Variants in BCR observed in about 807,000 individuals in gnomAD.
BCR encodes the protein breakpoint cluster region protein.
A neutral mutation model predicts 138.6 loss-of-function variants in BCR; 58 were observed. The observed-to-expected ratio is 0.42, with a 90% CI of 0.34 to 0.52. The LOEUF (loss-of-function observed/expected upper bound fraction) is 0.52. BCR is among the 20% of genes least tolerant of loss of function. The pLI is 0.06. For missense variants in BCR, 1,599 were observed against 1,727.2 expected, an observed-to-expected ratio of 0.93 and a Z score of 1.32; for synonymous variants, 786 against 730.1, an observed-to-expected ratio of 1.08 and a Z score of -1.23.
chr22:23,181,126 A>G lies in BCR; in HGVS notation c.166A>G (p.Met56Val), dbSNP rs780306034. Residue 56 changes from methionine (M) to valine (V), a missense_variant, in exon 1 of 23, where the codon ATG becomes GTG. Physicochemically the swap from Met to Val is conservative, Grantham distance 21. Around this residue, in one of 4 missense-constraint regions of BCR, gnomAD observed 806 missense variants for 635.0 expected, o/e 1.27. Transcript: ENST00000305877. ...EQEVNQERFR[M>V]IYLQTLLAKE... Reference sequence around the variant, plus strand: ...GGAGGTGAACCAGGAGCGCTTCCGCATGATCTACCTGCAGACGTTGCTGGC... The same window carrying G: ...GGAGGTGAACCAGGAGCGCTTCCGCGTGATCTACCTGCAGACGTTGCTGGC... 3 of 1,497,314 alleles carry G rather than the reference A, an allele frequency of 2.0e-6. No individual in the cohort carries two copies. Among genetic ancestry groups the G allele is most frequent in the South Asian group, 1.3e-5 (1 of 79,576 alleles). The allele number at this position is 1,497,314 out of a possible 1,614,324, so 92.8% of individuals were successfully genotyped here.
At chr22:23,297,233 TTTTTC>T (rs1568979606) in intron 16 of BCR, among the ~76,000 whole-genome samples, 15 of 139,650 alleles carry the variant, frequency 1.1e-4, no homozygotes, top group South Asian at 4.5e-4. Flanking sequence ...TTTTTTTTTT[TTTTTC>T]GAGACAGAGT....
chr22:23,202,555 A>C (rs1048422903), intron 1 of BCR, among the ~76,000 whole-genome samples: 1 of 152,010 alleles, frequency 6.6e-6, no homozygotes, highest in Non-Finnish European at 1.5e-5. Context: ...CCACCATTCT[A>C]CTTTCTATCT....
rs536640237 is a variant in BCR, at chr22:23,313,111, C to T, written c.3457+90C>T. ...GCTGTGAAAAGTGAGGTGTGGGAAC[C>T]CAAGCTGTGCCCCCTCTGCCATGGT... is the stretch of plus-strand genomic sequence containing the variant. On this transcript the variant is annotated intron_variant, in intron 20 of 22. Transcript: ENST00000305877. The T allele has an allele frequency of 9.6e-6, 14 of 1,452,124 alleles. No individual in the cohort carries two copies. In the African/African-American group the frequency reaches 1.1e-4, roughly 12 times the overall value. The allele number at this position is 1,452,124 out of a possible 1,614,324, so 90.0% of individuals were successfully genotyped here. A position where few individuals can be genotyped will look rare whatever the true frequency, so the allele number is the denominator to read the frequency against.
rs1398683804 is a variant in BCR, at chr22:23,181,089, G to A, written c.129G>A (p.Arg43=). ...TGGAGCGCTGCAAGGCCTCCATTCG[G>A]CGCCTGGAGCAGGAGGTGAACCAGG... The part of the protein sequence containing the change: ...QELERCKASI[R]RLEQEVNQER... Residue 43 remains arginine, a synonymous_variant, in exon 1 of 23, where the codon CGG becomes CGA. Transcript: ENST00000305877. 6.6e-7 allele frequency: 1 copy of A among 1,515,022 alleles called. No individual in the cohort carries two copies. Among genetic ancestry groups the A allele is most frequent in the Non-Finnish European group, 8.9e-7 (1 of 1,125,406 alleles). 93.8% of individuals were successfully genotyped at this position (1,515,022 alleles called of 1,614,324 possible). A position where few individuals can be genotyped will look rare whatever the true frequency, so the allele number is the denominator to read the frequency against.
At position 23,244,067 on chromosome 22, in the gene BCR, C is replaced by CT. The variant is rs1274228823; in HGVS notation, c.1280-9730dup. 2.6e-5 allele frequency among the ~76,000 whole-genome samples: 4 copies of CT among 152,304 alleles called. No individual in the cohort carries two copies. In the East Asian group the frequency reaches 7.7e-4, roughly 29 times the overall value. ...CCCCAGTGCCTTAAGTGGGAACAGT[C>CT]TTGTGGTACTGAGCCCTTAACCTGT... On this transcript the variant is annotated intron_variant, in intron 1 of 22. Coordinates refer to ENST00000305877, the MANE Select transcript of BCR (RefSeq NM_004327.4).
intron 1 of BCR, among the ~76,000 whole-genome samples, chr22:23,224,880 C>G (rs2072870243): frequency 6.6e-6 from 1 of 152,114 alleles, no homozygotes; most frequent in African/African-American, 2.4e-5. Context: ...AGACTCCATC[C>G]CCCCCAAAAA....
At chr22:23,213,086 G>A (rs141271508) in intron 1 of BCR, among the ~76,000 whole-genome samples, 26 of 152,326 alleles carry the variant, frequency 1.7e-4, no homozygotes, top group Admixed American at 5.2e-4. Context: ...AACCTCCCTT[G>A]TCTAGTTTTG....
At chr22:23,249,335 G>A (rs1014572078) in intron 1 of BCR, among the ~76,000 whole-genome samples, 2 of 151,976 alleles carry the variant, frequency 1.3e-5, no homozygotes, top group African/African-American at 4.8e-5. Context: ...CGGAGGCTGA[G>A]GCAGGAGAAT....
intron 8 of BCR, among the ~76,000 whole-genome samples, chr22:23,274,369 C>A (rs2073547353): frequency 6.6e-6 from 1 of 152,246 alleles, no homozygotes; most frequent in Non-Finnish European, 1.5e-5. Context: ...GCCTGTGCCG[C>A]TCTGAGCCTT....
intron 16 of BCR, among the ~76,000 whole-genome samples, chr22:23,301,850 C>T (rs1051898986): frequency 9.8e-5 from 15 of 152,308 alleles, no homozygotes; most frequent in Admixed American, 8.5e-4. Context: ...AGGATGGCCT[C>T]GCTCACTCAA....
At chr22:23,284,220 G>C in intron 9 of BCR, 122 bp downstream of exon 9, 1 of 1,399,476 alleles carries the variant, frequency 7.1e-7, no homozygotes, top group Non-Finnish European at 9.6e-7. Context: ...TTCTACTTGG[G>C]CACAATGCCA....
At chr22:23,206,304 G>T (rs779077878) in intron 1 of BCR, among the ~76,000 whole-genome samples, 1 of 152,200 alleles carries the variant, frequency 6.6e-6, no homozygotes, top group Non-Finnish European at 1.5e-5. Flanking sequence ...GCTGGGGGCG[G>T]TGGCTCACGC....
chr22:23,228,084 T>C (rs549424769), intron 1 of BCR, among the ~76,000 whole-genome samples: 11 of 152,354 alleles, frequency 7.2e-5, no homozygotes, highest in Non-Finnish European at 1.0e-4. Flanking sequence ...CTTTCATTTC[T>C]GATTTTGGTC....
intron 1 of BCR, among the ~76,000 whole-genome samples, chr22:23,190,191 G>A (rs201087654): frequency 2.0e-5 from 3 of 151,950 alleles, no homozygotes; most frequent in East Asian, 3.9e-4. Context: ...TTTTGAGACG[G>A]AGTTTCACTC....
intron 4 of BCR, chr22:23,263,764 T>C (rs2073401266): frequency 2.8e-6 from 4 of 1,426,886 alleles, no homozygotes; most frequent in African/African-American, 2.8e-5. Flanking sequence ...CATCATATCA[T>C]TGTGAGTGGC....
intron 8 of BCR, among the ~76,000 whole-genome samples, chr22:23,277,198 A>G (rs1373489209): frequency 6.6e-6 from 1 of 152,234 alleles, no homozygotes; most frequent in African/African-American, 2.4e-5. Context: ...AAAGGGAGAA[A>G]GGGACTGTGC....
Position 23,182,413 on chromosome 22 carries a change from T to C in BCR, c.1279+174T>C, listed in dbSNP as rs116978301. On this transcript the variant is annotated intron_variant, in intron 1 of 22. Coordinates refer to ENST00000305877, the MANE Select transcript of BCR (RefSeq NM_004327.4). ...CGAACAAACTCCATCCCCTCCTCCTTCCTGAATGCATACTGTTAGTGTTTG... is the reference window on the plus strand; with the variant it reads ...CGAACAAACTCCATCCCCTCCTCCTCCCTGAATGCATACTGTTAGTGTTTG... 3.5e-3 allele frequency among the ~76,000 whole-genome samples: 535 copies of C among 152,362 alleles called. 8 individuals are homozygous for C. Among genetic ancestry groups the C allele is most frequent in the Middle Eastern group, 0.01 (3 of 294 alleles).
intron 11 of BCR, 64 bp from the exon 12 acceptor site, chr22:23,288,033 G>A (rs2073738038): frequency 1.3e-6 from 2 of 1,503,858 alleles, no homozygotes; most frequent in Non-Finnish European, 1.8e-6. Context: ...GGTGCCCCGG[G>A]CCTACCAGGC....
chr22:23,221,748 CT>C (rs1190711853), intron 1 of BCR, among the ~76,000 whole-genome samples: 3 of 152,146 alleles, frequency 2.0e-5, no homozygotes, highest in Admixed American at 6.5e-5. Flanking sequence ...TCTCTTCCCA[CT>C]TTTCTTTGTG....
Sources: gnomAD v4.1 joint callset for allele counts (sites outside exome capture counted in the v4.1 genomes callset) on GRCh38, gnomAD v4.1.1 for gene constraint, gnomAD v4.1.1 regional missense constraint, MANE v1.5 for transcripts, NCBI Gene and HGNC (gene_info 2026-07-23, HGNC 2026-07-21) for gene names.